Variants in PTPRA observed in about 807,000 individuals in gnomAD.
PTPRA encodes receptor-type tyrosine-protein phosphatase alpha.
A neutral mutation model predicts 104.8 loss-of-function variants in PTPRA; 25 were observed. That is an observed-to-expected ratio of 0.24 (90% CI 0.17 to 0.33). PTPRA has a LOEUF of 0.33. Among genes scored for constraint, PTPRA ranks in the 10% least tolerant of loss-of-function variants. The probability of loss-of-function intolerance (pLI) is 1.00; values close to 1 mark genes in which losing one functional copy is unlikely to be tolerated. For synonymous variants in PTPRA, 323 were observed against 368.9 expected (o/e 0.88, Z 1.43); for missense variants, 765 against 1,015.3 (o/e 0.75, Z 3.35).
chr20:2,929,019 CAG>C (rs1332665498), intron 2 of PTPRA, among the ~76,000 whole-genome samples: 4 of 151,942 alleles, frequency 2.6e-5, no homozygotes, highest in African/African-American at 9.7e-5. Context: ...TTAGTAGTGA[CAG>C]GGTCTCACTG....
chr20:2,992,498 CAA>C (rs1286060968), intron 9 of PTPRA, among the ~76,000 whole-genome samples: 1 of 152,086 alleles, frequency 6.6e-6, no homozygotes, highest in Non-Finnish European at 1.5e-5. Flanking sequence ...GCCTGGGCGA[CAA>C]GAGCGAAACT....
chr20:2,909,775 AAG>A (rs2059560487), intron 1 of PTPRA, among the ~76,000 whole-genome samples: 1 of 138,030 alleles, frequency 7.2e-6, no homozygotes, highest in African/African-American at 2.7e-5. Context: ...TATATATTAT[AAG>A]ATAATATAAT....
At chr20:2,870,942 C>T (rs1484640726), upstream of PTPRA, among the ~76,000 whole-genome samples, 1 of 152,152 alleles carries the variant, frequency 6.6e-6, no homozygotes, top group African/African-American at 2.4e-5. Context: ...CCAGGATAAC[C>T]CTTTACTCTG....
intron 7 of PTPRA, among the ~76,000 whole-genome samples, chr20:2,987,651 C>T (rs2062963783): frequency 6.6e-6 from 1 of 152,154 alleles, no homozygotes; most frequent in Non-Finnish European, 1.5e-5. Flanking sequence ...TGGGCTTCTC[C>T]CTGGGTCTCC....
intron 1 of PTPRA, among the ~76,000 whole-genome samples, chr20:2,918,408 G>A (rs754194306): frequency 4.6e-5 from 7 of 152,192 alleles, no homozygotes; most frequent in Non-Finnish European, 8.8e-5. Context: ...TCCTGAGGAA[G>A]CAAAAAGGCA....
At chr20:3,005,015 A>G (rs769442210) in intron 9 of PTPRA, 41 bp from the exon 10 acceptor site, 1 of 1,513,080 alleles carries the variant, frequency 6.6e-7, no homozygotes, top group Admixed American at 1.7e-5. Context: ...TTTGATGTTT[A>G]TCCCTGCTAA....
chr20:2,884,786 A>G (rs1473048836), intron 1 of PTPRA, among the ~76,000 whole-genome samples: 1 of 146,272 alleles, frequency 6.8e-6, no homozygotes, highest in African/African-American at 2.5e-5. Flanking sequence ...TCAAATGGTA[A>G]CTCTCTGGTT....
rs144331209 is a variant in PTPRA, at chr20:2,911,346, A to C, written c.-128-11861A>C. On this transcript the variant is annotated intron_variant, in intron 1 of 23. Coordinates refer to ENST00000399903, the MANE Select transcript of PTPRA (RefSeq NM_001385305.1). ...GGTAGGTGAGTCACACTGATACTGC[A>C]TTCACTGAAGTTACTAAGCTGAATG... Among the ~76,000 whole-genome samples, 1,486 of 152,284 alleles carry C rather than the reference A, an allele frequency of 9.8e-3. 95 individuals carry two copies. Among genetic ancestry groups the C allele is most frequent in the Admixed American group, 0.089 (1,362 of 15,294 alleles).
chr20:2,944,726 C>T (rs2061060460), intron 2 of PTPRA, among the ~76,000 whole-genome samples: 1 of 151,644 alleles, frequency 6.6e-6, no homozygotes, highest in South Asian at 2.1e-4. Flanking sequence ...TCTTTGCAAA[C>T]AGTCTACCAC....
At chr20:2,957,334 C>T (rs1262412475) in intron 3 of PTPRA, among the ~76,000 whole-genome samples, 1 of 152,132 alleles carries the variant, frequency 6.6e-6, no homozygotes, top group Non-Finnish European at 1.5e-5. Context: ...CTTTGATCAT[C>T]AGTGAGGTTG....
At chr20:2,988,270 G>T (rs973993885) in intron 8 of PTPRA, 68 bp from the exon 9 acceptor site, 1 of 1,558,934 alleles carries the variant, frequency 6.4e-7, no homozygotes, top group Non-Finnish European at 8.6e-7. Context: ...GTAGAACCCC[G>T]TTTAGCCTCC....
At chr20:2,902,071 G>A (rs2147114142) in intron 1 of PTPRA, among the ~76,000 whole-genome samples, 1 of 152,144 alleles carries the variant, frequency 6.6e-6, no homozygotes, top group South Asian at 2.1e-4. Flanking sequence ...TTTTAGTAGA[G>A]ATGGGGTTTC....
intron 1 of PTPRA, among the ~76,000 whole-genome samples, chr20:2,916,489 A>G (rs1209182909): frequency 6.6e-6 from 1 of 152,168 alleles, no homozygotes; most frequent in East Asian, 1.9e-4. Flanking sequence ...AGTTGACCAT[A>G]GGGCATGGTG....
intron 14 of PTPRA, 35 bp downstream of exon 14, chr20:3,021,463 T>C (rs1224836819): frequency 1.2e-6 from 2 of 1,611,826 alleles, no homozygotes; most frequent in Non-Finnish European, 1.7e-6. Flanking sequence ...AGTTCTTATG[T>C]TGGATCTGCT....
chr20:2,902,500 G>A (rs642758), intron 1 of PTPRA, among the ~76,000 whole-genome samples: 102,462 of 152,076 alleles, frequency 0.67, 36,175 homozygotes, highest in African/African-American at 0.87. Flanking sequence ...GGCAGCTGCC[G>A]GCACTGGTCT....
At chr20:3,024,681 G>T in intron 17 of PTPRA, 60 bp downstream of exon 17, 1 of 1,591,772 alleles carries the variant, frequency 6.3e-7, no homozygotes, top group Non-Finnish European at 8.6e-7. Context: ...TGGGGAACAT[G>T]GGATGCCTGA....
At chr20:2,919,694 C>T (rs1275795466) in intron 1 of PTPRA, among the ~76,000 whole-genome samples, 7 of 109,392 alleles carry the variant, frequency 6.4e-5, no homozygotes, top group Admixed American at 6.2e-4. Flanking sequence ...AGCTTACTCT[C>T]AGCTGGGGGA....
chr20:2,893,271 T>C (rs1297552448), intron 1 of PTPRA, among the ~76,000 whole-genome samples: 1 of 152,224 alleles, frequency 6.6e-6, no homozygotes, highest in African/African-American at 2.4e-5. Context: ...CTTACACTTA[T>C]GGATTACAGT....
At chr20:2,949,107 T>C in intron 3 of PTPRA, among the ~76,000 whole-genome samples, 1 of 152,168 alleles carries the variant, frequency 6.6e-6, no homozygotes, top group Non-Finnish European at 1.5e-5. Flanking sequence ...TTGCCTTTCT[T>C]ATGTACCTTC....
Sources: gnomAD v4.1 joint callset for allele counts (sites outside exome capture counted in the v4.1 genomes callset) on GRCh38, gnomAD v4.1.1 for gene constraint, MANE v1.5 for transcripts, NCBI Gene and HGNC (gene_info 2026-07-23, HGNC 2026-07-21) for gene names.